Variants in ZNF599 observed in about 807,000 individuals in gnomAD.
The protein encoded by ZNF599 is zinc finger protein 599.
Under a neutral mutation model 11.7 loss-of-function variants are expected in ZNF599, and 10 were observed. The ratio of observed to expected loss-of-function variants is 0.86; its 90% CI spans 0.53 to 1.45. The LOEUF (loss-of-function observed/expected upper bound fraction) is 1.45, where lower values mean the gene tolerates loss of function less well. ZNF599 is among the 40% of genes most tolerant of loss of function. The pLI, the probability that ZNF599 is intolerant of heterozygous loss-of-function variation, is 0.00. For synonymous variants in ZNF599, 232 were observed against 253.2 expected (o/e 0.92, Z 0.79); for missense variants, 688 against 713.6 (o/e 0.96, Z 0.41).
intron 2 of ZNF599, among the ~76,000 whole-genome samples, chr19:34,769,155 A>G (rs1228116849): frequency 6.6e-6 from 1 of 152,244 alleles, no homozygotes; most frequent in South Asian, 2.1e-4. Flanking sequence ...AGCTGGGCCA[A>G]TTACCTCTTG....
chr19:34,806,642 A>G, the ZNF599 span, among the ~76,000 whole-genome samples: 7 of 106,200 alleles, frequency 6.6e-5, no homozygotes, highest in Admixed American at 4.0e-4. Flanking sequence ...TGCACAGAAT[A>G]GACTTATCAG....
In ZNF599 at chr19:34,760,094, C is replaced by A. The variant is rs1483974504; in HGVS notation, c.707G>T (p.Cys236Phe). The part of the protein sequence containing the change: ...PYECNECGKA[C>F]RYMADVIRHM... ...TCGAATGACATCAGCCATATAACGA[C>A]AGGCTTTCCCACACTCATTGCACTC... The change falls in exon 4 of 4, where the codon TGT (cysteine) becomes TTT (phenylalanine). Residue 236 changes from cysteine (C) to phenylalanine (F), a missense_variant. Cys to Phe is a radical substitution (Grantham distance 205). Coordinates refer to ENST00000329285, the MANE Select transcript of ZNF599 (RefSeq NM_001007248.3). The A allele has an allele frequency of 1.2e-6, 2 of 1,613,856 alleles. No homozygotes were observed. The highest frequency in any genetic ancestry group is 1.3e-5 in the African/African-American group (1 of 74,844).
In ZNF599 at chr19:34,759,826, T is replaced by C. The variant is rs1251269749; in HGVS notation, c.975A>G (p.Ser325=). 2 of 1,614,086 alleles carry C rather than the reference T, an allele frequency of 1.2e-6. No homozygotes were observed. Among genetic ancestry groups the C allele is most frequent in the Non-Finnish European group, 1.7e-6 (2 of 1,180,010 alleles). The change falls in exon 4 of 4, where the codon TCA becomes TCG. Residue 325 remains serine, a synonymous_variant. Transcript: ENST00000329285. ...TATGAATCCTCATATGTTGAGCAAA[T>C]GAGGAGCTGTAGTAAAAAGCTTTCC... is the stretch of plus-strand genomic sequence containing the variant. ...ECGKAFYYSS[S]FAQHMRIHTG... is the part of the protein sequence containing the mutation.
the ZNF599 span, among the ~76,000 whole-genome samples, chr19:34,783,329 G>C: frequency 6.6e-6 from 1 of 152,332 alleles, no homozygotes; most frequent in East Asian, 1.9e-4. Context: ...TTTTATTGTG[G>C]TTTCACAGAA....
intron 1 of ZNF599, 138 bp downstream of exon 1, chr19:34,772,686 T>G: frequency 6.7e-7 from 1 of 1,488,258 alleles, no homozygotes; most frequent in Admixed American, 2.2e-5. Context: ...CCCTCTCACC[T>G]CACCCTCTCC....
chr19:34,761,728 T>C (rs1336173055), intron 3 of ZNF599, among the ~76,000 whole-genome samples: 1 of 152,156 alleles, frequency 6.6e-6, no homozygotes, highest in East Asian at 1.9e-4. Flanking sequence ...ATTTGCCACA[T>C]GGAGAAAAAT....
At chr19:34,789,632 T>C in the ZNF599 span, among the ~76,000 whole-genome samples, 1 of 152,224 alleles carries the variant, frequency 6.6e-6, no homozygotes, top group Non-Finnish European at 1.5e-5. Context: ...CATATAGTTA[T>C]TGGTCATTTG....
At chr19:34,761,090 A>T (rs1416204812) in intron 3 of ZNF599, among the ~76,000 whole-genome samples, 2 of 152,148 alleles carry the variant, frequency 1.3e-5, no homozygotes, top group Non-Finnish European at 2.9e-5. Flanking sequence ...GAAAGTCTTG[A>T]GAGAATGCTG....
At chr19:34,793,991 G>A in the ZNF599 span, among the ~76,000 whole-genome samples, 1 of 152,162 alleles carries the variant, frequency 6.6e-6, no homozygotes, top group East Asian at 1.9e-4. Context: ...GAGGCTTATT[G>A]GACTTACAGT....
At chr19:34,781,719 A>G in the ZNF599 span, among the ~76,000 whole-genome samples, 1 of 152,230 alleles carries the variant, frequency 6.6e-6, no homozygotes, top group Non-Finnish European at 1.5e-5. Flanking sequence ...AGCACCCTCC[A>G]GCAGGGCTTT....
Position 34,760,149 on chromosome 19 carries a change from G to T in ZNF599, c.652C>A (p.Gln218Lys), listed in dbSNP as rs757154102. 1 of 1,614,134 alleles carries T rather than the reference G, an allele frequency of 6.2e-7. No homozygotes were observed. Among genetic ancestry groups the T allele is most frequent in the Admixed American group, 1.7e-5 (1 of 60,036 alleles). Reference protein sequence around the residue: ...FSKKWALVRHQQIHAGVKPYE... With the variant: ...FSKKWALVRHKQIHAGVKPYE... ...GGCTTCACTCCAGCATGAATCTGTT[G>T]ATGCCGAACAAGGGCCCACTTCTTG... The change falls in exon 4 of 4, where the codon CAA becomes AAA. Residue 218 changes from glutamine to lysine, a missense_variant. Physicochemically the swap from Gln to Lys is moderately conservative, Grantham distance 53. Coordinates refer to ENST00000329285, the MANE Select transcript of ZNF599 (RefSeq NM_001007248.3).
At chr19:34,786,204 C>A in the ZNF599 span, among the ~76,000 whole-genome samples, 1 of 152,156 alleles carries the variant, frequency 6.6e-6, no homozygotes. Flanking sequence ...CTACATTGTC[C>A]ATTTTTAGCA....
At chr19:34,806,709 A>G in the ZNF599 span, among the ~76,000 whole-genome samples, 1 of 152,084 alleles carries the variant, frequency 6.6e-6, no homozygotes, top group Non-Finnish European at 1.5e-5. Context: ...TGCTAACACC[A>G]TTTCCTGAAC....
the ZNF599 span, among the ~76,000 whole-genome samples, chr19:34,805,561 G>A: frequency 2.6e-5 from 4 of 151,996 alleles, no homozygotes; most frequent in African/African-American, 9.7e-5. Context: ...TTTAAAAAAG[G>A]TCTGGAATCC....
chr19:34,763,031 G>A (rs2069121512), intron 3 of ZNF599: 1 of 152,044 alleles, frequency 6.6e-6, no homozygotes, highest in Admixed American at 6.6e-5. Flanking sequence ...CATCTGAATA[G>A]CCTATATTTA....
chr19:34,784,351 G>A, the ZNF599 span, among the ~76,000 whole-genome samples: 3 of 152,014 alleles, frequency 2.0e-5, no homozygotes, highest in African/African-American at 7.3e-5. Context: ...ATGCACCCTC[G>A]GGATCTCATT....
the ZNF599 span, among the ~76,000 whole-genome samples, chr19:34,803,986 C>T: frequency 2.0e-5 from 3 of 152,214 alleles, 1 homozygote; most frequent in South Asian, 6.2e-4. Context: ...GCATCAAGAA[C>T]ATGCCTGACA....
chr19:34,773,948 C>CTG (rs2069203330), upstream of ZNF599, among the ~76,000 whole-genome samples: 2 of 152,130 alleles, frequency 1.3e-5, no homozygotes, highest in Non-Finnish European at 2.9e-5. Context: ...AGGGGAGGGT[C>CTG]TGAGATACTT....
At chr19:34,781,238 GAGAA>G in the ZNF599 span, among the ~76,000 whole-genome samples, 69 of 151,594 alleles carry the variant, frequency 4.6e-4, no homozygotes, top group African/African-American at 9.0e-4. Flanking sequence ...AAGAAATAAA[GAGAA>G]AGAAAGAAAG....
Sources: gnomAD v4.1 joint callset for allele counts (sites outside exome capture counted in the v4.1 genomes callset) on GRCh38, gnomAD v4.1.1 for gene constraint, MANE v1.5 for transcripts, NCBI Gene and HGNC (gene_info 2026-07-23, HGNC 2026-07-21) for gene names.